THAP3: variants seen among roughly 807,000 people sequenced by gnomAD.
The protein encoded by THAP3 is THAP domain-containing protein 3.
THAP3 carries 12 observed loss-of-function variants against 17.7 expected under a neutral mutation model. The observed-to-expected ratio is 0.68, with a 90% CI of 0.43 to 1.10. THAP3 has a LOEUF of 1.10. Among genes scored for constraint, THAP3 ranks in the 50% least tolerant of loss-of-function variants. The pLI is 0.00. For synonymous variants in THAP3, 133 were observed against 126.9 expected, an observed-to-expected ratio of 1.05 and a Z score of -0.32; for missense variants, 289 against 318.0, an observed-to-expected ratio of 0.91 and a Z score of 0.69.
chr1:6,634,770 G>A (rs1252495812), downstream of THAP3: 6 of 1,326,632 alleles, frequency 4.5e-6, no homozygotes, highest in Admixed American at 1.3e-4. Flanking sequence ...CAGGAGCGGG[G>A]AGCTGCAGTG....
downstream of THAP3, chr1:6,633,980 C>G (rs985755598): frequency 2.5e-6 from 4 of 1,581,198 alleles, no homozygotes; most frequent in African/African-American, 1.3e-5. Context: ...GAAAAAAGTT[C>G]TAGCCTGATT....
At chr1:6,626,503 T>G (rs1641473895) in intron 2 of THAP3, among the ~76,000 whole-genome samples, 1 of 152,218 alleles carries the variant, frequency 6.6e-6, no homozygotes, top group Admixed American at 6.5e-5. Context: ...GTTCTACAAT[T>G]GAAGGGCATT....
downstream of THAP3, chr1:6,634,190 TG>T (rs1641707490): frequency 8.9e-7 from 1 of 1,129,130 alleles, no homozygotes; most frequent in East Asian, 2.4e-5. Flanking sequence ...AAAGGTTTAT[TG>T]TGGTGAGTGC....
intron 2 of THAP3, among the ~76,000 whole-genome samples, chr1:6,625,901 T>A (rs1641457290): frequency 6.6e-6 from 1 of 152,166 alleles, no homozygotes; most frequent in Non-Finnish European, 1.5e-5. Context: ...GCTCCCATTG[T>A]TCTGTTTTGT....
intron 3 of THAP3, among the ~76,000 whole-genome samples, chr1:6,629,124 C>G (rs1032897225): frequency 6.6e-6 from 1 of 152,158 alleles, no homozygotes; most frequent in Non-Finnish European, 1.5e-5. Flanking sequence ...ATCTCTTGAA[C>G]CGGGAGGCAG....
At chr1:6,626,553 G>A (rs1192459803) in intron 2 of THAP3, among the ~76,000 whole-genome samples, 1 of 151,858 alleles carries the variant, frequency 6.6e-6, no homozygotes, top group Non-Finnish European at 1.5e-5. Context: ...ACATGGTTCT[G>A]GAGGCTGGGC....
rs200857332 is a variant in THAP3, at chr1:6,632,466, C to A, written c.409C>A (p.Pro137Thr). 1.2e-6 allele frequency: 2 copies of A among 1,614,160 alleles called. No homozygotes were observed. The highest frequency in any genetic ancestry group is 3.3e-5 in the Admixed American group (2 of 60,022). Residue 137 changes from proline to threonine, a missense_variant, in exon 5 of 6, where the codon CCC becomes ACC. Coordinates refer to ENST00000054650, the MANE Select transcript of THAP3 (RefSeq NM_001195753.2). ...CACTGCACTTGAAGAGCTTCAGTTG[C>A]CCCCAAATGCCGAAGGCCACGTAAA... ...MDTALEELQLPPNAEGHVKQV... is the reference protein window; with the variant it reads ...MDTALEELQLTPNAEGHVKQV...
chr1:6,628,271 G>T, intron 2 of THAP3: 1 of 496,572 alleles, frequency 2.0e-6, no homozygotes, highest in Non-Finnish European at 3.5e-6. Flanking sequence ...ATCGGAAGCA[G>T]CTCACTTGGG....
At chr1:6,630,010 G>A (rs1039623897) in intron 3 of THAP3, among the ~76,000 whole-genome samples, 1 of 152,180 alleles carries the variant, frequency 6.6e-6, no homozygotes, top group Admixed American at 6.5e-5. Context: ...CAGGTGCCAG[G>A]CCCTGGGGTG....
intron 4 of THAP3, among the ~76,000 whole-genome samples, chr1:6,630,854 G>C (rs772174799): frequency 2.0e-5 from 3 of 151,538 alleles, no homozygotes; most frequent in Non-Finnish European, 4.4e-5. Flanking sequence ...TTATAGGTGT[G>C]AGCCACCGCG....
chr1:6,635,576 A>G, downstream of THAP3: 1 of 1,264,952 alleles, frequency 7.9e-7, no homozygotes. Flanking sequence ...TAATAATATA[A>G]AATAAAAACA....
downstream of THAP3, chr1:6,633,915 T>TG (rs1346080069): frequency 9.8e-7 from 1 of 1,021,520 alleles, no homozygotes; most frequent in East Asian, 2.6e-5. Flanking sequence ...AGACTCAGTC[T>TG]GAAAAAAAAA....
At position 6,625,167 on chromosome 1, in the gene THAP3, A is replaced by G. The variant is rs905740610; in HGVS notation, c.-52A>G. On this transcript the variant is annotated 5_prime_UTR_variant, in exon 2 of 6. Coordinates refer to ENST00000054650, the MANE Select transcript of THAP3 (RefSeq NM_001195753.2). The stretch of plus-strand genomic sequence containing the variant: ...CCCCGCAGGTCCCTCCCCTCTCCGC[A>G]GGCCCCGCCGCCGCCGCCATCTTTG... 1 of 1,472,768 alleles carries G rather than the reference A, an allele frequency of 6.8e-7. No homozygotes were observed. The highest frequency in any genetic ancestry group is 2.0e-5 in the Admixed American group (1 of 50,066). 91.2% of individuals were successfully genotyped at this position (1,472,768 alleles called of 1,614,324 possible).
At chr1:6,626,458 T>A (rs1022137134) in intron 2 of THAP3, among the ~76,000 whole-genome samples, 1 of 152,168 alleles carries the variant, frequency 6.6e-6, no homozygotes, top group Non-Finnish European at 1.5e-5. Flanking sequence ...CCACATAATA[T>A]TCCATTGAAT....
intron 4 of THAP3, among the ~76,000 whole-genome samples, chr1:6,631,178 ATTTT>A (rs35284282): frequency 5.0e-5 from 7 of 140,206 alleles, no homozygotes; most frequent in African/African-American, 5.3e-5. Context: ...CTAATTAAAA[ATTTT>A]TTTTTTTTTT....
chr1:6,629,440 C>G (rs914148227), intron 3 of THAP3, among the ~76,000 whole-genome samples: 6 of 152,202 alleles, frequency 3.9e-5, no homozygotes, highest in African/African-American at 1.4e-4. Context: ...CCCATCTGTC[C>G]TCCCCAGCAC....
At chr1:6,629,136 G>A (rs1193751894) in intron 3 of THAP3, among the ~76,000 whole-genome samples, 3 of 152,244 alleles carry the variant, frequency 2.0e-5, no homozygotes. Context: ...GGGAGGCAGA[G>A]GTTGCAGTGA....
At chr1:6,634,365 A>C, downstream of THAP3, 4 of 1,105,440 alleles carry the variant, frequency 3.6e-6, no homozygotes, top group Admixed American at 3.2e-5. Context: ...ATGGAGATGA[A>C]TGTTACAGAA....
chr1:6,632,340 G>C, intron 4 of THAP3, 51 bp from the exon 5 acceptor site: 1 of 1,600,606 alleles, frequency 6.2e-7, no homozygotes, highest in South Asian at 1.1e-5. Context: ...AGCTGCAGGA[G>C]GGCCCTGCAT....
Sources: gnomAD v4.1 joint callset for allele counts (sites outside exome capture counted in the v4.1 genomes callset) on GRCh38, gnomAD v4.1.1 for gene constraint, MANE v1.5 for transcripts, NCBI Gene and HGNC (gene_info 2026-07-23, HGNC 2026-07-21) for gene names.